Variants in FRMPD4 observed in about 807,000 individuals in gnomAD.
FRMPD4 encodes FERM and PDZ domain containing 4.
Under a neutral mutation model 94.1 loss-of-function variants are expected in FRMPD4, and 22 were observed. The ratio of observed to expected loss-of-function variants is 0.23; its 90% confidence interval spans 0.17 to 0.33. The LOEUF (loss-of-function observed/expected upper bound fraction) is 0.33, where lower values mean the gene tolerates loss of function less well. Ranked by LOEUF, FRMPD4 falls within the 10% of genes least tolerant of loss-of-function variation. The probability of loss-of-function intolerance (pLI) is 1.00; values close to 1 mark genes in which losing one functional copy is unlikely to be tolerated. For synonymous variants in FRMPD4, 631 were observed against 548.6 expected (o/e 1.15, Z -2.10); for missense variants, 1,111 against 1,339.9 (o/e 0.83, Z 2.67).
intron 1 of FRMPD4, among the ~76,000 whole-genome samples, chrX:12,180,795 G>A (rs1368070255): frequency 8.9e-6 from 1 of 112,228 alleles, no homozygotes; most frequent in Non-Finnish European, 1.9e-5. Flanking sequence ...GAATGAAAAC[G>A]GGTGTGTGTA....
chrX:12,406,110 G>A (rs1318957533), intron 1 of FRMPD4, among the ~76,000 whole-genome samples: 1 of 111,042 alleles, frequency 9.0e-6, no homozygotes, highest in Admixed American at 9.6e-5. Flanking sequence ...AGGCAAGGGA[G>A]TTCTACAGGC....
At chrX:11,849,551 T>C (rs2053607601) in intron 1 of FRMPD4, among the ~76,000 whole-genome samples, 1 of 111,518 alleles carries the variant, frequency 9.0e-6, no homozygotes, top group Non-Finnish European at 1.9e-5. Context: ...AACAGTGTGG[T>C]ACTGTCATAA....
At chrX:11,892,586 G>A (rs971128044) in intron 3 of FRMPD4, among the ~76,000 whole-genome samples, 2 of 112,068 alleles carry the variant, frequency 1.8e-5, no homozygotes, top group African/African-American at 3.2e-5. Flanking sequence ...CTGCCGGACA[G>A]GAAATGGAGT....
intron 2 of FRMPD4, among the ~76,000 whole-genome samples, chrX:12,586,390 G>A (rs1026105965): frequency 1.8e-5 from 2 of 112,572 alleles, no homozygotes; most frequent in African/African-American, 3.2e-5. Flanking sequence ...GTACCCAGTG[G>A]TCCTCCAAAA....
At chrX:12,254,670 A>G (rs1309905600) in intron 1 of FRMPD4, among the ~76,000 whole-genome samples, 2 of 111,882 alleles carry the variant, frequency 1.8e-5, no homozygotes, top group Non-Finnish European at 3.8e-5. Flanking sequence ...GTAGAAAAGA[A>G]CCTCACTTTA....
chrX:11,847,130 C>T, intron 1 of FRMPD4, among the ~76,000 whole-genome samples: 1 of 110,968 alleles, frequency 9.0e-6, no homozygotes, highest in Non-Finnish European at 1.9e-5. Context: ...GCAACCTACT[C>T]ATGTGACAAA....
intron 1 of FRMPD4, among the ~76,000 whole-genome samples, chrX:12,328,833 G>C (rs533147559): frequency 4.5e-5 from 5 of 111,779 alleles, no homozygotes; most frequent in East Asian, 5.7e-4. Flanking sequence ...CTGAAAGCCG[G>C]TATAGGGCTT....
At chrX:12,269,886 C>A (rs1319992832) in intron 1 of FRMPD4, among the ~76,000 whole-genome samples, 2 of 112,302 alleles carry the variant, frequency 1.8e-5, no homozygotes, top group Admixed American at 9.4e-5. Flanking sequence ...GAATGCATTT[C>A]AGGAAGAAAT....
chrX:11,851,061 C>T (rs1478843339), intron 1 of FRMPD4, among the ~76,000 whole-genome samples: 2 of 111,553 alleles, frequency 1.8e-5, no homozygotes, highest in African/African-American at 6.5e-5. Context: ...TTACCCTGCC[C>T]CGGTTGAACT....
intron 3 of FRMPD4, among the ~76,000 whole-genome samples, chrX:12,611,603 A>C (rs2059184629): frequency 8.9e-6 from 1 of 112,497 alleles, no homozygotes; most frequent in Non-Finnish European, 1.9e-5. Flanking sequence ...ATGTTTGGCC[A>C]GTTGAGTGTC....
At chrX:12,041,307 C>T (rs192570841) in intron 3 of FRMPD4, among the ~76,000 whole-genome samples, 28 of 112,112 alleles carry the variant, frequency 2.5e-4, no homozygotes, top group East Asian at 1.1e-3. Flanking sequence ...TGGTATCACT[C>T]CTTTCAGCCT....
rs745457915 is a variant in FRMPD4, at chrX:12,620,097, T to A, written c.422+5216T>A. Among the ~76,000 whole-genome samples the A allele has an allele frequency of 3.7e-3, 419 of 112,393 alleles. 3 individuals carry two copies. The highest frequency in any genetic ancestry group is 0.012 in the African/African-American group (384 of 30,994). On this transcript the variant is annotated intron_variant, in intron 4 of 16. Transcript: ENST00000675598. ...TTGCCAACCTTGATCCAACTGCAGA[T>A]CCTGAAACAGCCCTGAAACTCAATT...
chrX:12,193,950 G>A (rs1442483088), intron 1 of FRMPD4, among the ~76,000 whole-genome samples: 6 of 108,463 alleles, frequency 5.5e-5, no homozygotes, highest in South Asian at 4.1e-4. Flanking sequence ...TTTGAGGTCC[G>A]TGAATTACTT....
intron 1 of FRMPD4, among the ~76,000 whole-genome samples, chrX:11,831,698 G>T (rs1241046383): frequency 9.0e-6 from 1 of 110,684 alleles, no homozygotes; most frequent in Non-Finnish European, 1.9e-5. Context: ...GGAGAGAAGA[G>T]AATCCATTGA....
chrX:12,503,268 T>C (rs1310397922), intron 2 of FRMPD4, among the ~76,000 whole-genome samples: 1 of 111,564 alleles, frequency 9.0e-6, no homozygotes. Flanking sequence ...ATTTTTCAAG[T>C]TATAAATTTA....
At position 11,973,882 on chromosome X, in the gene FRMPD4, G is replaced by A. The variant is rs1234704579; in HGVS notation, c.95+95864G>A. ...AGAACCAGGATTAGATTCAGCAGCT[G>A]TTGGCAATGATTGAAGGTTGTGCAC... On this transcript the variant is annotated intron_variant, in intron 3 of 18. Transcript: ENST00000640291. Among the ~76,000 whole-genome samples, 4 of 111,402 alleles carry A rather than the reference G, an allele frequency of 3.6e-5. No individual in the cohort carries two copies. The Admixed American group carries it at 3.8e-4, about 11-fold the overall frequency.
intron 1 of FRMPD4, among the ~76,000 whole-genome samples, chrX:11,848,890 C>G (rs1431416116): frequency 9.0e-6 from 1 of 111,627 alleles, no homozygotes; most frequent in Non-Finnish European, 1.9e-5. Context: ...CTTCTAAGAT[C>G]AGGAAGAAGA....
intron 6 of FRMPD4, 98 bp downstream of exon 6, chrX:12,683,685 T>C (rs1188264905): frequency 1.5e-5 from 7 of 469,906 alleles, no homozygotes; most frequent in African/African-American, 9.8e-5. Context: ...GAATGACTGA[T>C]CTGAAATTGG....
chrX:12,352,597 C>T (rs2055832098), intron 1 of FRMPD4, among the ~76,000 whole-genome samples: 1 of 112,181 alleles, frequency 8.9e-6, no homozygotes, highest in South Asian at 3.7e-4. Context: ...TGTAGCCATT[C>T]TGATGAGTAC....
Sources: allele counts gnomAD v4.1 joint callset (sites outside exome capture counted in the v4.1 genomes callset), GRCh38; gene constraint gnomAD v4.1.1; transcripts MANE v1.5; gene names NCBI Gene and HGNC (gene_info 2026-07-23, HGNC 2026-07-21).